The following ENTREP2 variants were observed in gnomAD, a reference collection of about 807,000 sequenced individuals.
The protein encoded by ENTREP2 is endosomal transmembrane epsin interactor 2, also known as protein ENTREP2.
At chr15:29,381,082 A>G in the ENTREP2 span, among the ~76,000 whole-genome samples, 2 of 149,648 alleles carry the variant, frequency 1.3e-5, no homozygotes, top group Admixed American at 1.3e-4. Flanking sequence ...CGAGCTCCTG[A>G]CTCATTATCT....
At chr15:29,640,198 A>G in the ENTREP2 span, among the ~76,000 whole-genome samples, 4 of 152,354 alleles carry the variant, frequency 2.6e-5, no homozygotes, top group Admixed American at 6.5e-5. Context: ...AACTTACAGA[A>G]ATAAAAAAGA....
At chr15:29,123,546 C>T in the ENTREP2 span, 13 of 1,551,620 alleles carry the variant, frequency 8.4e-6, 1 homozygote, top group South Asian at 3.6e-5. Context: ...CTTTGGAGGT[C>T]GCTGGGAAGG....
the ENTREP2 span, among the ~76,000 whole-genome samples, chr15:29,327,900 A>G: frequency 6.6e-6 from 1 of 152,210 alleles, no homozygotes; most frequent in African/African-American, 2.4e-5. Flanking sequence ...AGTTTCTTAC[A>G]AAACGAGACA....
the ENTREP2 span, among the ~76,000 whole-genome samples, chr15:29,336,141 CAAAAAAAAA>C: frequency 2.6e-5 from 2 of 77,586 alleles, no homozygotes; most frequent in Admixed American, 3.5e-4. Context: ...GACTCCGTCT[CAAAAAAAAA>C]AAAAAAAAAA....
At chr15:29,291,289 G>A in the ENTREP2 span, among the ~76,000 whole-genome samples, 6 of 152,136 alleles carry the variant, frequency 3.9e-5, no homozygotes, top group Admixed American at 6.5e-5. Context: ...TCATCCTGAC[G>A]ATCTTCTGTC....
chr15:29,619,872 C>G, the ENTREP2 span, among the ~76,000 whole-genome samples: 1 of 152,032 alleles, frequency 6.6e-6, no homozygotes, highest in African/African-American at 2.4e-5. Context: ...TGGGCCATCT[C>G]TCATGGCCTC....
the ENTREP2 span, among the ~76,000 whole-genome samples, chr15:29,656,337 T>C: frequency 6.6e-6 from 1 of 151,994 alleles, no homozygotes; most frequent in Non-Finnish European, 1.5e-5. Flanking sequence ...GCAATTCTCA[T>C]GTGTCAGCCT....
At chr15:29,541,343 G>A in the ENTREP2 span, among the ~76,000 whole-genome samples, 1 of 152,220 alleles carries the variant, frequency 6.6e-6, no homozygotes, top group South Asian at 2.1e-4. Context: ...CCTAGAAACA[G>A]GATGGACACA....
At chr15:29,620,155 G>A in the ENTREP2 span, among the ~76,000 whole-genome samples, 1 of 152,108 alleles carries the variant, frequency 6.6e-6, no homozygotes. Flanking sequence ...ATGACACAAA[G>A]TGAGGAAAAG....
At chr15:29,381,497 C>G in the ENTREP2 span, among the ~76,000 whole-genome samples, 2 of 148,890 alleles carry the variant, frequency 1.3e-5, no homozygotes, top group Non-Finnish European at 3.0e-5. Flanking sequence ...GGTTCACGCT[C>G]GGTCCTTACA....
At chr15:29,538,942 T>A in the ENTREP2 span, among the ~76,000 whole-genome samples, 350 of 152,332 alleles carry the variant, frequency 2.3e-3, 2 homozygotes, top group African/African-American at 7.9e-3. Flanking sequence ...TTTGCATCCA[T>A]GTATATTAGC....
the ENTREP2 span, among the ~76,000 whole-genome samples, chr15:29,442,371 C>T: frequency 6.6e-6 from 1 of 152,234 alleles, no homozygotes; most frequent in Admixed American, 6.5e-5. Context: ...CTTTGGGAAA[C>T]ACAGCCGCAT....
At chr15:29,397,697 TA>T in the ENTREP2 span, among the ~76,000 whole-genome samples, 1 of 152,150 alleles carries the variant, frequency 6.6e-6, no homozygotes, top group Non-Finnish European at 1.5e-5. Context: ...ACTGTTCCCA[TA>T]AACACCAAGA....
the ENTREP2 span, among the ~76,000 whole-genome samples, chr15:29,216,145 T>C: frequency 6.6e-6 from 1 of 152,214 alleles, no homozygotes; most frequent in Non-Finnish European, 1.5e-5. Context: ...TTAGCAGTTC[T>C]TGTAATGGTG....
At chr15:29,616,645 G>A in the ENTREP2 span, among the ~76,000 whole-genome samples, 1 of 152,136 alleles carries the variant, frequency 6.6e-6, no homozygotes, top group Non-Finnish European at 1.5e-5. Flanking sequence ...AACAAAAAGG[G>A]AAAGGAAACT....
At chr15:29,627,919 C>T in the ENTREP2 span, among the ~76,000 whole-genome samples, 1 of 152,150 alleles carries the variant, frequency 6.6e-6, no homozygotes, top group African/African-American at 2.4e-5. Context: ...GTTCTTTTCA[C>T]CTATTGTGAA....
the ENTREP2 span, among the ~76,000 whole-genome samples, chr15:29,282,927 G>T: frequency 5.9e-5 from 9 of 152,190 alleles, no homozygotes; most frequent in African/African-American, 2.2e-4. Flanking sequence ...GCCTCCAGTG[G>T]TCACTGGTGA....
the ENTREP2 span, chr15:29,128,710 A>G: frequency 9.6e-7 from 1 of 1,039,288 alleles, no homozygotes. Context: ...AGAAGAGAAG[A>G]GAATAGGACG....
the ENTREP2 span, among the ~76,000 whole-genome samples, chr15:29,237,446 A>G: frequency 6.6e-6 from 1 of 152,084 alleles, no homozygotes; most frequent in African/African-American, 2.4e-5. Flanking sequence ...GTTTTTTCTA[A>G]AAGTTTTGTA....
Sources: allele counts gnomAD v4.1 joint callset (sites outside exome capture counted in the v4.1 genomes callset), GRCh38; gene constraint gnomAD v4.1.1; transcripts MANE v1.5; gene names NCBI Gene and HGNC (gene_info 2026-07-23, HGNC 2026-07-21).